The following MAST4 variants were observed in gnomAD, a reference collection of about 807,000 sequenced individuals.
The protein encoded by MAST4 is microtubule-associated serine/threonine-protein kinase 4.
A neutral mutation model predicts 162.7 loss-of-function variants in MAST4; 89 were observed. That is an observed-to-expected ratio of 0.55 (90% CI 0.46 to 0.65). MAST4 has a LOEUF of 0.65. MAST4 is among the 30% of genes least tolerant of loss of function. The probability of loss-of-function intolerance (pLI) is 0.00; values close to 1 mark genes in which losing one functional copy is unlikely to be tolerated. For synonymous variants in MAST4, 1,479 were observed against 1,361.1 expected, an observed-to-expected ratio of 1.09 and a Z score of -1.91; for missense variants, 3,153 against 3,374.0, an observed-to-expected ratio of 0.93 and a Z score of 1.62.
At chr5:66,897,739 C>T (rs1204163311) in intron 3 of MAST4, among the ~76,000 whole-genome samples, 3 of 152,140 alleles carry the variant, frequency 2.0e-5, no homozygotes, top group East Asian at 1.9e-4. Context: ...GCTGCCATCC[C>T]GTGGAGCAGC....
chr5:66,710,022 G>C (rs1395347247), intron 1 of MAST4, among the ~76,000 whole-genome samples: 1 of 152,212 alleles, frequency 6.6e-6, no homozygotes, highest in Non-Finnish European at 1.5e-5. Flanking sequence ...TAAAAGGAGA[G>C]AGAAGTTCTG....
rs1171999320 is a variant in MAST4 at position 67,152,852 on chromosome 5, C to T, written c.3511C>T (p.His1171Tyr). The T allele has an allele frequency of 3.7e-6, 6 of 1,613,752 alleles. No individual in the cohort carries two copies. Among genetic ancestry groups the T allele is most frequent in the African/African-American group, 1.3e-5 (1 of 75,054 alleles). Residue 1171 changes from histidine to tyrosine, a missense_variant, in exon 25 of 29, where the codon CAC becomes TAC. By Grantham distance (83) the His-to-Tyr change is moderately conservative (BLOSUM62 2). Transcript: ENST00000403625. ...GGGAGACAGTGACATCTATACAGTGCACCATATCGTCTGGGTAAGACCTGC... is the reference window on the plus strand; with the variant it reads ...GGGAGACAGTGACATCTATACAGTGTACCATATCGTCTGGGTAAGACCTGC... ...YVGDSDIYTVHHIVWNVEEGS... is the reference protein window; with the variant it reads ...YVGDSDIYTVYHIVWNVEEGS...
chr5:66,626,337 G>T (rs547300205), intron 1 of MAST4, among the ~76,000 whole-genome samples: 1 of 152,270 alleles, frequency 6.6e-6, no homozygotes, highest in East Asian at 1.9e-4. Context: ...AAAGCATCAA[G>T]TTGTACCCCT....
chr5:67,128,157 G>A (rs1768491223), intron 14 of MAST4, among the ~76,000 whole-genome samples: 1 of 152,114 alleles, frequency 6.6e-6, no homozygotes, highest in Admixed American at 6.5e-5. Flanking sequence ...TTAGTTTTCT[G>A]ATAAGCAATA....
chr5:66,969,131 C>T lies in MAST4; in HGVS notation c.674+69149C>T, dbSNP rs182696700. On this transcript the variant is annotated intron_variant, in intron 4 of 28. Coordinates refer to ENST00000403625, the MANE Select transcript of MAST4 (RefSeq NM_001164664.2). ...GAATTGGGGGCTGCTTTTACAAACC[C>T]GAAGCCCTTCAGTGAGTCTGTGTTC... 2.8e-4 allele frequency among the ~76,000 whole-genome samples: 43 copies of T among 152,286 alleles called. No individual in the cohort carries two copies. The East Asian group carries it at 5.8e-3, about 21-fold the overall frequency.
chr5:67,022,230 T>G (rs1043305383), intron 4 of MAST4, among the ~76,000 whole-genome samples: 2 of 152,176 alleles, frequency 1.3e-5, no homozygotes, highest in African/African-American at 4.8e-5. Flanking sequence ...GACTATGTCC[T>G]TAGGATAATT....
chr5:67,079,201 T>G (rs1329713159), intron 5 of MAST4, among the ~76,000 whole-genome samples: 1 of 151,536 alleles, frequency 6.6e-6, no homozygotes, highest in African/African-American at 2.4e-5. Context: ...TTCAAAACAC[T>G]AAAATTAGTA....
intron 3 of MAST4, among the ~76,000 whole-genome samples, chr5:66,833,243 A>C (rs1757738027): frequency 6.6e-6 from 1 of 152,194 alleles, no homozygotes; most frequent in East Asian, 1.9e-4. Flanking sequence ...GCAATTCTCC[A>C]AGTCATTCTA....
Position 67,099,152 on chromosome 5 carries a change from C to T in MAST4, c.913-1283C>T, listed in dbSNP as rs773852018. On this transcript the variant is annotated intron_variant, in intron 7 of 28. Coordinates refer to ENST00000403625, the MANE Select transcript of MAST4 (RefSeq NM_001164664.2). ...CTTTCCTCTTATCACCACTGCTTAT[C>T]TCCTGCTTGCATTGATTTTATTTTA... 6.6e-5 allele frequency among the ~76,000 whole-genome samples: 10 copies of T among 152,016 alleles called. 1 individual carries two copies. The East Asian group carries it at 1.9e-3, about 29-fold the overall frequency.
chr5:66,759,574 G>C (rs1475312820), intron 1 of MAST4, 135 bp from the exon 2 acceptor site: 7 of 1,107,498 alleles, frequency 6.3e-6, no homozygotes, highest in Non-Finnish European at 8.7e-6. Context: ...CTCTAACGTA[G>C]CAAAATTGAA....
chr5:66,994,978 C>A (rs1190864298), intron 4 of MAST4, among the ~76,000 whole-genome samples: 2 of 152,140 alleles, frequency 1.3e-5, no homozygotes, highest in African/African-American at 4.8e-5. Context: ...CACAGCCTCA[C>A]CAATCTGCAA....
At chr5:67,126,582 C>CAGAACGGA (rs1239512175) in intron 14 of MAST4, among the ~76,000 whole-genome samples, 25 of 152,110 alleles carry the variant, frequency 1.6e-4, no homozygotes, top group Non-Finnish European at 2.5e-4. Context: ...CTGAGCCCTC[C>CAGAACGGA]GTTCTGTTCT....
chr5:66,977,692 GT>G (rs1214028599), intron 4 of MAST4, among the ~76,000 whole-genome samples: 1 of 152,106 alleles, frequency 6.6e-6, no homozygotes, highest in African/African-American at 2.4e-5. Flanking sequence ...ATTAGCTGTT[GT>G]TTCTTTCCAA....
At chr5:66,730,751 C>CTGTGTGTGTGTG (rs70987138) in intron 1 of MAST4, among the ~76,000 whole-genome samples, 87 of 149,252 alleles carry the variant, frequency 5.8e-4, no homozygotes, top group African/African-American at 2.1e-3. Flanking sequence ...CCTACCTACT[C>CTGTGTGTGTGTG]TGTGTGTGTG....
At chr5:66,744,883 T>C (rs2149579922) in intron 1 of MAST4, among the ~76,000 whole-genome samples, 1 of 152,234 alleles carries the variant, frequency 6.6e-6, no homozygotes, top group South Asian at 2.1e-4. Context: ...TAAAGCTTTT[T>C]CCAGAAACTT....
At chr5:66,692,089 T>C (rs1309289574) in intron 1 of MAST4, among the ~76,000 whole-genome samples, 1 of 152,178 alleles carries the variant, frequency 6.6e-6, no homozygotes, top group Non-Finnish European at 1.5e-5. Context: ...CAGGTTACAC[T>C]GCACTCTCAG....
chr5:67,047,959 G>A (rs10515036), intron 4 of MAST4, among the ~76,000 whole-genome samples: 31,099 of 152,014 alleles, frequency 0.2, 3,439 homozygotes, highest in Non-Finnish European at 0.24. Flanking sequence ...AGAAAGGGTC[G>A]ACTGATTTAC....
chr5:66,621,364 G>A (rs375860847), intron 1 of MAST4, among the ~76,000 whole-genome samples: 62 of 152,306 alleles, frequency 4.1e-4, no homozygotes, highest in African/African-American at 1.3e-3. Context: ...GTGTGCTATT[G>A]TATGAGTAGC....
intron 3 of MAST4, among the ~76,000 whole-genome samples, chr5:66,870,087 G>A (rs909149998): frequency 6.6e-6 from 1 of 152,106 alleles, no homozygotes; most frequent in Non-Finnish European, 1.5e-5. Flanking sequence ...ATGCCTTTCC[G>A]TGTGACCCAT....
Sources: gnomAD v4.1 joint callset for allele counts (sites outside exome capture counted in the v4.1 genomes callset) on GRCh38, gnomAD v4.1.1 for gene constraint, MANE v1.5 for transcripts, NCBI Gene and HGNC (gene_info 2026-07-23, HGNC 2026-07-21) for gene names.